DNAJC16: variants seen among roughly 807,000 people sequenced by gnomAD.
DNAJC16 encodes dnaJ homolog subfamily C member 16.
In DNAJC16, 76 loss-of-function variants were observed where a neutral mutation model predicts 92.7. That is an observed-to-expected ratio of 0.82 (90% confidence interval 0.68 to 0.99). The LOEUF (loss-of-function observed/expected upper bound fraction) is 0.99, where lower values mean the gene tolerates loss of function less well. Among genes scored for constraint, DNAJC16 ranks in the 50% least tolerant of loss-of-function variants. The pLI is 0.00. For missense variants in DNAJC16, 869 were observed against 942.4 expected (o/e 0.92, Z 1.02); for synonymous variants, 328 against 358.7 (o/e 0.91, Z 0.97).
At chr1:15,531,243 C>T (rs997635558) in intron 2 of DNAJC16, among the ~76,000 whole-genome samples, 8 of 152,290 alleles carry the variant, frequency 5.3e-5, no homozygotes, top group African/African-American at 1.7e-4. Context: ...TGCGTGACTG[C>T]GCCTGACACT....
intron 7 of DNAJC16, among the ~76,000 whole-genome samples, chr1:15,550,498 T>A (rs1276397450): frequency 6.6e-6 from 1 of 152,214 alleles, no homozygotes; most frequent in African/African-American, 2.4e-5. Flanking sequence ...CTATATGGTA[T>A]TTATGGCCAT....
intron 2 of DNAJC16, among the ~76,000 whole-genome samples, chr1:15,533,181 C>G (rs1246338832): frequency 1.3e-5 from 2 of 152,182 alleles, no homozygotes; most frequent in African/African-American, 4.8e-5. Flanking sequence ...TTAAACCTAG[C>G]CCTTACTATC....
Position 15,535,072 on chromosome 1 carries a change from T to C in DNAJC16, c.234+769T>C, listed in dbSNP as rs188075793. 7.1e-3 allele frequency among the ~76,000 whole-genome samples: 1,086 copies of C among 152,352 alleles called. 10 individuals are homozygous for C. Among genetic ancestry groups the C allele is most frequent in the Admixed American group, 0.011 (164 of 15,302 alleles). On this transcript the variant is annotated intron_variant, in intron 3 of 14. Transcript: ENST00000375847. ...ATAGGGAATGCCCTTCAGCAGACAGTGCTTAGCTCATAGAATAACACGTCA... is the reference window on the plus strand; with the variant it reads ...ATAGGGAATGCCCTTCAGCAGACAGCGCTTAGCTCATAGAATAACACGTCA...
In DNAJC16 at chr1:15,538,349, C is replaced by G. The variant is rs529093525; in HGVS notation, c.574+1535C>G. ...AGCAGAGGTTGCAGTGAGCCAAGAT[C>G]GTGCCACTGCACTCCAGCCTGGGTG... On this transcript the variant is annotated intron_variant, in intron 4 of 14. Coordinates refer to ENST00000375847, the MANE Select transcript of DNAJC16 (RefSeq NM_015291.4). Among the ~76,000 whole-genome samples the G allele has an allele frequency of 5.3e-5, 8 of 151,550 alleles. No homozygotes were observed. In the South Asian group the frequency reaches 8.4e-4, roughly 16 times the overall value.
At chr1:15,542,594 T>C (rs776291142) in intron 4 of DNAJC16, among the ~76,000 whole-genome samples, 2 of 152,146 alleles carry the variant, frequency 1.3e-5, no homozygotes, top group African/African-American at 4.8e-5. Flanking sequence ...ATGGGACCCT[T>C]TGATTTATAG....
intron 4 of DNAJC16, 79 bp from the exon 5 acceptor site, chr1:15,544,320 A>C: frequency 1.4e-6 from 2 of 1,413,102 alleles, no homozygotes; most frequent in Non-Finnish European, 1.9e-6. Flanking sequence ...TCAATTTCAC[A>C]CCAAAAAATT....
chr1:15,534,891 T>C (rs1710744649), intron 3 of DNAJC16, among the ~76,000 whole-genome samples: 1 of 152,162 alleles, frequency 6.6e-6, no homozygotes, highest in South Asian at 2.1e-4. Context: ...AAATATGCAT[T>C]AAAGAATCAC....
Position 15,529,147 on chromosome 1 carries a change from A to G in DNAJC16, c.42A>G (p.Ile14Met), listed in dbSNP as rs114561064. 2.4e-5 allele frequency: 38 copies of G among 1,614,088 alleles called. No homozygotes were observed. In the African/African-American group the frequency reaches 4.3e-4, roughly 18 times the overall value. ...RKLSISWQFLIVLVLILQILS... is the reference protein window; with the variant it reads ...RKLSISWQFLMVLVLILQILS... ...TGAGCATTTCCTGGCAGTTCTTGAT[A>G]GTTCTGGTTCTGATCCTGCAAATTC... is the stretch of plus-strand genomic sequence containing the variant. Residue 14 changes from isoleucine to methionine, a missense_variant, in exon 2 of 15, where the codon ATA (isoleucine) becomes ATG (methionine). Coordinates refer to ENST00000375847, the MANE Select transcript of DNAJC16 (RefSeq NM_015291.4).
chr1:15,566,317 G>A (rs942886609), intron 13 of DNAJC16, 137 bp downstream of exon 13: 1 of 710,840 alleles, frequency 1.4e-6, no homozygotes, highest in African/African-American at 1.8e-5. Flanking sequence ...GTGGCTACAG[G>A]GAAAAGTCAC....
chr1:15,535,931 A>G, intron 3 of DNAJC16, among the ~76,000 whole-genome samples: 1 of 141,502 alleles, frequency 7.1e-6, no homozygotes, highest in East Asian at 2.1e-4. Context: ...TGCCTGGCCG[A>G]TTTTTTTTTT....
At chr1:15,547,339 G>T (rs1638334216) in intron 6 of DNAJC16, among the ~76,000 whole-genome samples, 1 of 151,808 alleles carries the variant, frequency 6.6e-6, no homozygotes, top group Non-Finnish European at 1.5e-5. Context: ...GTAGAGACAG[G>T]GTTTCACCAT....
At chr1:15,567,359 T>C (rs1638843427) in intron 14 of DNAJC16, 90 bp downstream of exon 14, 3 of 1,393,110 alleles carry the variant, frequency 2.2e-6, no homozygotes, top group Admixed American at 1.8e-5. Flanking sequence ...TTTGGTCTTG[T>C]GGGGCTTCAT....
At position 15,568,560 on chromosome 1, in the gene DNAJC16, G is replaced by A. The variant is rs41307767; in HGVS notation, c.*383G>A. On this transcript the variant is annotated 3_prime_UTR_variant, in exon 15 of 15. Transcript: ENST00000375847. ...TCTGGCGGACCCTCATGAGCCTGTC[G>A]TGCAGGCCAGGTCATTGGCCCCTTC... 6.1e-3 allele frequency: 2,542 copies of A among 417,720 alleles called. 11 individuals carry two copies. The highest frequency in any genetic ancestry group is 9.0e-3 in the Non-Finnish European group (2,134 of 237,108). 25.9% of individuals were successfully genotyped at this position (417,720 alleles called of 1,614,324 possible).
chr1:15,533,605 G>C (rs1710710613), intron 2 of DNAJC16, among the ~76,000 whole-genome samples: 1 of 152,050 alleles, frequency 6.6e-6, no homozygotes, highest in Non-Finnish European at 1.5e-5. Flanking sequence ...TCCAGTCTGG[G>C]CAACAGAGTG....
At chr1:15,530,638 T>C (rs1275440770) in intron 2 of DNAJC16, among the ~76,000 whole-genome samples, 1 of 152,314 alleles carries the variant, frequency 6.6e-6, no homozygotes, top group Middle Eastern at 3.4e-3. Context: ...CCTGGTTCTA[T>C]ACTTTTTATC....
At chr1:15,541,323 T>C (rs1405090649) in intron 4 of DNAJC16, among the ~76,000 whole-genome samples, 4 of 152,220 alleles carry the variant, frequency 2.6e-5, no homozygotes, top group African/African-American at 9.7e-5. Context: ...TTATTGACAT[T>C]GTTCCATAGT....
rs1553149736 is a variant in DNAJC16 at position 15,570,564 on chromosome 1, A to AGCACCTTCAAACAGCT, written c.*2396_*2411dup. 1 of 152,164 alleles carries AGCACCTTCAAACAGCT rather than the reference A, an allele frequency of 6.6e-6. No homozygotes were observed. The highest frequency in any genetic ancestry group is 1.5e-5 in the Non-Finnish European group (1 of 68,030). The allele number at this position is 152,164 out of a possible 1,614,324, so 9.4% of individuals were successfully genotyped here. ...CAAGTCATCTTTTGATCTTTTAAAA[A>AGCACCTTCAAACAGCT]GCACCTTCAAACAGCTGCACCTTCC... On this transcript the variant is annotated 3_prime_UTR_variant, in exon 15 of 15. Coordinates refer to ENST00000375847, the MANE Select transcript of DNAJC16 (RefSeq NM_015291.4).
chr1:15,567,411 A>ATCTGAGCCAT, intron 14 of DNAJC16, 142 bp downstream of exon 14: 1 of 854,174 alleles, frequency 1.2e-6, no homozygotes, highest in Middle Eastern at 3.6e-4. Context: ...CAATCCAGAC[A>ATCTGAGCCAT]TCTGAGCCAT....
chr1:15,536,515 A>G lies in DNAJC16; in HGVS notation c.275A>G (p.Tyr92Cys), dbSNP rs368388229. 1.9e-6 allele frequency: 3 copies of G among 1,612,488 alleles called. No individual in the cohort carries two copies. The African/African-American group carries it at 4.0e-5, about 22-fold the overall frequency. Residue 92 changes from tyrosine (Y) to cysteine (C), a missense_variant, in exon 4 of 15, where the codon TAT becomes TGT. Coordinates refer to ENST00000375847, the MANE Select transcript of DNAJC16 (RefSeq NM_015291.4). ...GAAAAGAGATCAAATTATGATCAAT[A>G]TGGAGACGCTGGAGAGAACCAGGGC... ...NEEKRSNYDQ[Y>C]GDAGENQGYQ...
Sources: gnomAD v4.1 joint callset for allele counts (sites outside exome capture counted in the v4.1 genomes callset) on GRCh38, gnomAD v4.1.1 for gene constraint, MANE v1.5 for transcripts, NCBI Gene and HGNC (gene_info 2026-07-23, HGNC 2026-07-21) for gene names.